The following KCNJ3 variants were observed in gnomAD, a reference collection of about 807,000 sequenced individuals.
KCNJ3 encodes G protein-activated inward rectifier potassium channel 1.
In KCNJ3, 4 loss-of-function variants were observed where a neutral mutation model predicts 39.2. The observed-to-expected ratio is 0.10, with a 90% CI of 0.05 to 0.23. KCNJ3 has a LOEUF of 0.23. KCNJ3 is among the 10% of genes least tolerant of loss of function. The pLI, the probability that KCNJ3 is intolerant of heterozygous loss-of-function variation, is 1.00. For missense variants in KCNJ3, 276 were observed against 634.9 expected (o/e 0.43, Z 6.08); for synonymous variants, 230 against 237.4 (o/e 0.97, Z 0.29).
At chr2:154,703,252 GT>G (rs1684941363) in intron 1 of KCNJ3, among the ~76,000 whole-genome samples, 1 of 151,936 alleles carries the variant, frequency 6.6e-6, no homozygotes, top group African/African-American at 2.4e-5. Flanking sequence ...ATAAACTATG[GT>G]TGCATTCATA....
intron 2 of KCNJ3, among the ~76,000 whole-genome samples, chr2:154,838,850 G>T (rs1687518022): frequency 6.6e-6 from 1 of 152,092 alleles, no homozygotes; most frequent in Admixed American, 6.6e-5. Context: ...TATTTCAAAA[G>T]ATTTTCTTCT....
At chr2:154,749,671 A>C (rs1009586454) in intron 2 of KCNJ3, among the ~76,000 whole-genome samples, 2 of 151,984 alleles carry the variant, frequency 1.3e-5, no homozygotes, top group Non-Finnish European at 2.9e-5. Flanking sequence ...AAATTTCCTC[A>C]CACTCATTTT....
At chr2:154,743,450 T>G (rs1685686732) in intron 2 of KCNJ3, among the ~76,000 whole-genome samples, 1 of 151,820 alleles carries the variant, frequency 6.6e-6, no homozygotes, top group African/African-American at 2.4e-5. Flanking sequence ...TATTGACATC[T>G]TAACAATATT....
At chr2:154,778,483 G>A (rs1686377606) in intron 2 of KCNJ3, among the ~76,000 whole-genome samples, 1 of 152,088 alleles carries the variant, frequency 6.6e-6, no homozygotes, top group East Asian at 1.9e-4. Context: ...CAGGAAGTGT[G>A]TTCTACAATA....
At chr2:154,832,659 G>A (rs1468619404) in intron 2 of KCNJ3, among the ~76,000 whole-genome samples, 1 of 151,164 alleles carries the variant, frequency 6.6e-6, no homozygotes, top group East Asian at 2.0e-4. Context: ...ATAACTTGGA[G>A]TTATTAACAT....
intron 2 of KCNJ3, among the ~76,000 whole-genome samples, chr2:154,830,073 G>A (rs1056304516): frequency 6.6e-6 from 1 of 152,070 alleles, no homozygotes; most frequent in Non-Finnish European, 1.5e-5. Flanking sequence ...AAGTTCATCT[G>A]GAAAACCTTG....
At chr2:154,805,868 T>C (rs1398929604) in intron 2 of KCNJ3, among the ~76,000 whole-genome samples, 2 of 152,140 alleles carry the variant, frequency 1.3e-5, no homozygotes, top group African/African-American at 2.4e-5. Context: ...ATAAGACAGA[T>C]ATGGAAATTT....
At chr2:154,742,763 T>A (rs1000094674) in intron 2 of KCNJ3, among the ~76,000 whole-genome samples, 5 of 151,878 alleles carry the variant, frequency 3.3e-5, no homozygotes, top group Admixed American at 2.6e-4. Flanking sequence ...TCTCTATACA[T>A]CAGATGTCAA....
Position 154,857,160 on chromosome 2 carries a change from T to A in KCNJ3, c.*1847T>A, listed in dbSNP as rs909932867. ...GTGCATCCACTGTGAATGGAGCAAA[T>A]TGCCCTATACCCATTGATAACCTAG... On this transcript the variant is annotated 3_prime_UTR_variant, in exon 3 of 3. Transcript: ENST00000295101. 5 of 152,106 alleles carry A rather than the reference T, an allele frequency of 3.3e-5. No individual in the cohort carries two copies. Among genetic ancestry groups the A allele is most frequent in the South Asian group, 2.1e-4 (1 of 4,826 alleles). The allele number at this position is 152,106 out of a possible 1,614,324, so 9.4% of individuals were successfully genotyped here.
At chr2:154,710,621 ATG>A (rs35434373) in intron 2 of KCNJ3, among the ~76,000 whole-genome samples, 12 of 151,858 alleles carry the variant, frequency 7.9e-5, no homozygotes, top group African/African-American at 1.9e-4. Flanking sequence ...GTATACGTAT[ATG>A]TGTGTGTGTG....
intron 2 of KCNJ3, among the ~76,000 whole-genome samples, chr2:154,740,622 C>T (rs1685637138): frequency 1.3e-5 from 2 of 151,944 alleles, no homozygotes; most frequent in Non-Finnish European, 1.5e-5. Flanking sequence ...TTATAAAGTC[C>T]TCCTGCTACA....
intron 2 of KCNJ3, 51 bp downstream of exon 2, chr2:154,709,870 A>G (rs892828481): frequency 1.6e-5 from 25 of 1,596,456 alleles, no homozygotes; most frequent in Non-Finnish European, 2.0e-5. Flanking sequence ...TAATGACATT[A>G]TATGATATGC....
chr2:154,727,820 T>C (rs1164947752), intron 2 of KCNJ3, among the ~76,000 whole-genome samples: 1 of 151,488 alleles, frequency 6.6e-6, no homozygotes, highest in Non-Finnish European at 1.5e-5. Flanking sequence ...GTAGAAAAAA[T>C]GCTAGGTTAG....
chr2:154,726,977 G>A (rs1467548037), intron 2 of KCNJ3, among the ~76,000 whole-genome samples: 2 of 151,998 alleles, frequency 1.3e-5, no homozygotes, highest in Admixed American at 6.6e-5. Flanking sequence ...AGGACGCAAA[G>A]GCATAAGAAT....
At chr2:154,734,519 A>T (rs115767076) in intron 2 of KCNJ3, among the ~76,000 whole-genome samples, 1,548 of 152,338 alleles carry the variant, frequency 0.01, 17 homozygotes, top group African/African-American at 0.035. Flanking sequence ...CAAACAACAA[A>T]GACCCTATAT....
rs16838235 is a variant in KCNJ3 at position 154,804,496 on chromosome 2, G to A, written c.920-50231G>A. Among the ~76,000 whole-genome samples the A allele has an allele frequency of 2.9e-3, 449 of 152,204 alleles. 4 individuals carry two copies. Among genetic ancestry groups the A allele is most frequent in the African/African-American group, 0.01 (435 of 41,546 alleles). ...AAGATATTTCACATTGTTGTAATGG[G>A]AGGAAATAGTCAGGTGAGTAAAAAT... On this transcript the variant is annotated intron_variant, in intron 2 of 2. Coordinates refer to ENST00000295101, the MANE Select transcript of KCNJ3 (RefSeq NM_002239.4).
rs1201793372 is a variant in KCNJ3 at position 154,855,371 on chromosome 2, C to T, written c.*58C>T. 18 of 1,167,852 alleles carry T rather than the reference C, an allele frequency of 1.5e-5. No homozygotes were observed. The highest frequency in any genetic ancestry group is 4.7e-5 in the South Asian group (3 of 63,532). The allele number at this position is 1,167,852 out of a possible 1,614,324, so 72.3% of individuals were successfully genotyped here. ...GATTTAGTAATAGTCCAATATTTGG[C>T]GATGAGGTAATTCTCCCTAAGGAAT... is the stretch of plus-strand genomic sequence containing the variant. On this transcript the variant is annotated 3_prime_UTR_variant, in exon 3 of 3. Coordinates refer to ENST00000295101, the MANE Select transcript of KCNJ3 (RefSeq NM_002239.4).
chr2:154,737,208 G>T (rs1295414212), intron 2 of KCNJ3, among the ~76,000 whole-genome samples: 1 of 152,208 alleles, frequency 6.6e-6, no homozygotes, highest in African/African-American at 2.4e-5. Context: ...ATAATTTTGG[G>T]ACGTTGTGTA....
chr2:154,745,100 T>A (rs1182668063), intron 2 of KCNJ3, among the ~76,000 whole-genome samples: 1 of 151,944 alleles, frequency 6.6e-6, no homozygotes, highest in Non-Finnish European at 1.5e-5. Flanking sequence ...TCTACCTCAT[T>A]TAAAACCTCT....
Sources: allele counts gnomAD v4.1 joint callset (sites outside exome capture counted in the v4.1 genomes callset), GRCh38; gene constraint gnomAD v4.1.1; transcripts MANE v1.5; gene names NCBI Gene and HGNC (gene_info 2026-07-23, HGNC 2026-07-21).